The following TOPBP1 variants were observed in gnomAD, a reference collection of about 807,000 sequenced individuals.
The protein encoded by TOPBP1 is DNA topoisomerase 2-binding protein 1.
TOPBP1 carries 28 observed loss-of-function variants against 167.7 expected under a neutral mutation model. The ratio of observed to expected loss-of-function variants is 0.17; its 90% CI spans 0.12 to 0.23. The LOEUF is 0.23. Among genes scored for constraint, TOPBP1 ranks in the 10% least tolerant of loss-of-function variants. TOPBP1 has a pLI of 1.00. For missense variants in TOPBP1, 1,554 were observed against 1,809.6 expected (o/e 0.86, Z 2.56); for synonymous variants, 598 against 611.4 (o/e 0.98, Z 0.32).
chr3:133,643,445 G>C, intron 11 of TOPBP1, 73 bp from the exon 12 acceptor site: 2 of 1,312,964 alleles, frequency 1.5e-6, no homozygotes, highest in South Asian at 3.4e-5. Flanking sequence ...TTCAGGTACA[G>C]AAGCAATAAT....
intron 27 of TOPBP1, among the ~76,000 whole-genome samples, chr3:133,607,315 TA>T (rs1219503346): frequency 6.6e-6 from 1 of 152,050 alleles, no homozygotes; most frequent in Non-Finnish European, 1.5e-5. Context: ...TGTAAAATGG[TA>T]AAAATCCCTG....
chr3:133,649,697 T>C, intron 9 of TOPBP1, 64 bp from the exon 10 acceptor site: 3 of 1,595,142 alleles, frequency 1.9e-6, no homozygotes, highest in Non-Finnish European at 2.6e-6. Flanking sequence ...CCACTTGTCA[T>C]GCAGTTTCCA....
chr3:133,623,551 G>C, intron 17 of TOPBP1, 94 bp from the exon 18 acceptor site: 1 of 1,324,528 alleles, frequency 7.5e-7, no homozygotes, highest in Non-Finnish European at 9.8e-7. Flanking sequence ...ACATTATACT[G>C]TAATATGGCA....
intron 14 of TOPBP1, among the ~76,000 whole-genome samples, chr3:133,635,257 T>C (rs1376907269): frequency 2.0e-5 from 3 of 152,146 alleles, no homozygotes; most frequent in South Asian, 2.1e-4. Context: ...GCCATCCTTG[T>C]ACTTATTTCT....
intron 24 of TOPBP1, among the ~76,000 whole-genome samples, chr3:133,611,820 T>C (rs984547526): frequency 1.3e-5 from 2 of 152,200 alleles, no homozygotes; most frequent in African/African-American, 2.4e-5. Flanking sequence ...GGGTCTTGAT[T>C]TGACCTCCTG....
chr3:133,644,490 G>A (rs1936011831), intron 10 of TOPBP1, 127 bp from the exon 11 acceptor site: 23 of 889,306 alleles, frequency 2.6e-5, no homozygotes, highest in African/African-American at 3.4e-5. Flanking sequence ...AAGCTTACGT[G>A]TATAATAAAG....
chr3:133,608,106 T>C (rs956158577), intron 27 of TOPBP1, among the ~76,000 whole-genome samples: 20 of 152,312 alleles, frequency 1.3e-4, no homozygotes, highest in African/African-American at 4.8e-4. Context: ...ATTCTGAATA[T>C]GAGAGTAGTA....
At chr3:133,649,155 A>G (rs901209510) in intron 10 of TOPBP1, among the ~76,000 whole-genome samples, 3 of 152,224 alleles carry the variant, frequency 2.0e-5, no homozygotes, top group Non-Finnish European at 2.9e-5. Context: ...GCCTGTATAT[A>G]TAACAAATCA....
At chr3:133,612,215 T>C (rs1408064509) in intron 24 of TOPBP1, among the ~76,000 whole-genome samples, 174 bp downstream of exon 24, 3 of 152,088 alleles carry the variant, frequency 2.0e-5, no homozygotes, top group East Asian at 3.9e-4. Flanking sequence ...CTAATCTTTG[T>C]AGTTTTAGTA....
At chr3:133,601,495 C>G in intron 27 of TOPBP1, 102 bp from the exon 28 acceptor site, 1 of 954,166 alleles carries the variant, frequency 1.0e-6, no homozygotes, top group Non-Finnish European at 1.5e-6. Context: ...AGGGATGAAT[C>G]TGACAAACTT....
chr3:133,607,202 C>G lies in TOPBP1; in HGVS notation c.4425+1333G>C, dbSNP rs933678168. On this transcript the variant is annotated intron_variant, in intron 27 of 27. Coordinates refer to ENST00000260810, the MANE Select transcript of TOPBP1 (RefSeq NM_007027.4). ...TCAGATTTTGGAATATTTATATTTA[C>G]TGGTTGAGCAACCGAAACCCAGAAA... is the stretch of plus-strand genomic sequence containing the variant. Among the ~76,000 whole-genome samples the G allele has an allele frequency of 1.1e-4, 16 of 152,268 alleles. No homozygotes were observed. The South Asian group carries it at 3.3e-3, about 32-fold the overall frequency.
At chr3:133,604,272 C>T (rs868719247) in intron 27 of TOPBP1, among the ~76,000 whole-genome samples, 10 of 151,606 alleles carry the variant, frequency 6.6e-5, no homozygotes, top group African/African-American at 2.4e-4. Context: ...GTGGCTGGGA[C>T]TACAGGCACA....
intron 12 of TOPBP1, 97 bp downstream of exon 12, chr3:133,643,103 A>G (rs1396372643): frequency 4.1e-6 from 5 of 1,228,188 alleles, no homozygotes; most frequent in Non-Finnish European, 5.5e-6. Context: ...AATATAATAA[A>G]GACACCCAAC....
At chr3:133,651,820 TC>T (rs1006243796) in intron 8 of TOPBP1, among the ~76,000 whole-genome samples, 31 of 152,284 alleles carry the variant, frequency 2.0e-4, no homozygotes, top group African/African-American at 7.5e-4. Flanking sequence ...CAAGATAATA[TC>T]CATTTTAGAG....
In TOPBP1 at chr3:133,638,060, G is replaced by T; in HGVS notation, c.2336C>A (p.Thr779Lys). Residue 779 changes from threonine (T) to lysine (K), a missense_variant, in exon 14 of 28, where the codon ACA (threonine) becomes AAA (lysine). Thr to Lys is a moderately conservative substitution (Grantham distance 78). Transcript: ENST00000260810. ...RLQTHRKTVV[T>K]PLDMNRFQSK... The stretch of plus-strand genomic sequence containing the variant: ...CTGAAAGCGGTTCATATCTAAAGGT[G>T]TAACGACGGTTTTTCTGTGAGTTTG... 2 of 1,614,004 alleles carry T rather than the reference G, an allele frequency of 1.2e-6. No individual in the cohort carries two copies. The highest frequency in any genetic ancestry group is 1.7e-6 in the Non-Finnish European group (2 of 1,179,878).
rs1408935563 is a variant in TOPBP1, at chr3:133,644,127, T to C, written c.1741A>G (p.Lys581Glu). 1 of 1,613,966 alleles carries C rather than the reference T, an allele frequency of 6.2e-7. No individual in the cohort carries two copies. The highest frequency in any genetic ancestry group is 2.2e-5 in the East Asian group (1 of 44,880). Residue 581 changes from lysine (K) to glutamate (E), a missense_variant, in exon 11 of 28, where the codon AAA becomes GAA. Lys to Glu is a moderately conservative substitution (Grantham distance 56). This residue lies in a region of TOPBP1 where 1,197 missense variants were observed against 1,351.5 expected (regional missense o/e 0.89). Transcript: ENST00000260810. ...GTTCTGCTCAGAAGGGACATGATTT[T>C]CCCAGCATTTTCTTTTATGATGTTT... ...IANIIKENAG[K>E]IMSLLSRTVA...
At chr3:133,656,614 G>A in intron 5 of TOPBP1, 62 bp downstream of exon 5, 3 of 1,489,974 alleles carry the variant, frequency 2.0e-6, no homozygotes, top group African/African-American at 2.8e-5. Flanking sequence ...TATATCACAT[G>A]CCAAAAATGA....
chr3:133,613,619 GA>G (rs771241568), intron 23 of TOPBP1, among the ~76,000 whole-genome samples: 17 of 152,068 alleles, frequency 1.1e-4, no homozygotes, highest in Non-Finnish European at 1.6e-4. Context: ...CAGCAGGTGG[GA>G]AAAAGCAATA....
chr3:133,631,929 C>T (rs972597125), intron 14 of TOPBP1, among the ~76,000 whole-genome samples: 4 of 151,960 alleles, frequency 2.6e-5, no homozygotes, highest in Non-Finnish European at 5.9e-5. Flanking sequence ...TGAGCCACTG[C>T]GCCTGGCTGA....
Sources: allele counts gnomAD v4.1 joint callset (sites outside exome capture counted in the v4.1 genomes callset), GRCh38; gene constraint gnomAD v4.1.1; regional missense constraint gnomAD v4.1.1; transcripts MANE v1.5; gene names NCBI Gene and HGNC (gene_info 2026-07-23, HGNC 2026-07-21).